Variants in CYP20A1 observed in about 807,000 individuals in gnomAD.
The protein encoded by CYP20A1 is cytochrome P450 family 20 subfamily A member 1.
In CYP20A1, 61 loss-of-function variants were observed where a neutral mutation model predicts 61.4. The ratio of observed to expected loss-of-function variants is 0.99; its 90% CI spans 0.81 to 1.23. The LOEUF (loss-of-function observed/expected upper bound fraction) is 1.23. Ranked by LOEUF, CYP20A1 falls within the 50% of genes most tolerant of loss-of-function variation. The pLI is 0.00. For synonymous variants in CYP20A1, 193 were observed against 188.2 expected (o/e 1.03, Z -0.21); for missense variants, 530 against 542.4 (o/e 0.98, Z 0.23).
chr2:203,258,003 G>GTGCAGTGGCACAATCATAGCTCACT, intron 4 of CYP20A1, among the ~76,000 whole-genome samples: 1 of 151,450 alleles, frequency 6.6e-6, no homozygotes, highest in Non-Finnish European at 1.5e-5. Context: ...CTGGGCTGAA[G>GTGCAGTGGCACAATCATAGCTCACT]GGATCCTCCT....
intron 1 of CYP20A1, among the ~76,000 whole-genome samples, chr2:203,242,978 A>G (rs2066307478): frequency 6.6e-6 from 1 of 152,156 alleles, no homozygotes; most frequent in Non-Finnish European, 1.5e-5. Flanking sequence ...CAAACAAAAC[A>G]CAGGCAGAAA....
At position 203,302,542 on chromosome 2, in the gene CYP20A1, C is replaced by T. The variant is rs541992496; in HGVS notation, c.*5634C>T. 6.6e-6 allele frequency among the ~76,000 whole-genome samples: 1 copy of T among 151,988 alleles called. No homozygotes were observed. The highest frequency in any genetic ancestry group is 1.5e-5 in the Non-Finnish European group (1 of 67,996). The stretch of plus-strand genomic sequence containing the variant: ...GAGCAAGACCCTGTCTCAAAAGATT[C>T]TAATATAGATACTCTTTTTATGCAT... On this transcript the variant is annotated 3_prime_UTR_variant, in exon 13 of 13. Coordinates refer to ENST00000356079, the MANE Select transcript of CYP20A1 (RefSeq NM_177538.3).
Position 203,285,642 on chromosome 2 carries a change from C to T in CYP20A1, c.881C>T (p.Thr294Ile), listed in dbSNP as rs374424387. 3 of 1,601,276 alleles carry T rather than the reference C, an allele frequency of 1.9e-6. No homozygotes were observed. The highest frequency in any genetic ancestry group is 2.5e-6 in the Non-Finnish European group (3 of 1,177,002). Reference protein sequence around the residue: ...LCTWAICFLTTSEEVQKKLYE... With the variant: ...LCTWAICFLTISEEVQKKLYE... The stretch of plus-strand genomic sequence containing the variant: ...ACCTGGGCAATCTGTTTTTTAACCA[C>T]CTCTGAAGAAGTTCAAAAAAAATTA... The change falls in exon 9 of 13, where the codon ACC (threonine) becomes ATC (isoleucine). Residue 294 changes from threonine (T) to isoleucine (I), a missense_variant. Physicochemically the swap from Thr to Ile is moderately conservative, Grantham distance 89. Transcript: ENST00000356079.
chr2:203,254,154 G>A (rs2066806860), intron 4 of CYP20A1, among the ~76,000 whole-genome samples: 2 of 151,628 alleles, frequency 1.3e-5, no homozygotes, highest in South Asian at 4.2e-4. Flanking sequence ...CACCATCTTG[G>A]CCAGGCTGGT....
chr2:203,275,115 C>A (rs1470509689), intron 6 of CYP20A1, among the ~76,000 whole-genome samples: 1 of 152,180 alleles, frequency 6.6e-6, no homozygotes, highest in Non-Finnish European at 1.5e-5. Flanking sequence ...GAAGATCAGA[C>A]CTTATCCTAG....
chr2:203,239,046 C>G lies in CYP20A1; in HGVS notation c.-17C>G, dbSNP rs190841502. On this transcript the variant is annotated 5_prime_UTR_variant, in exon 1 of 13. Transcript: ENST00000356079. The stretch of plus-strand genomic sequence containing the variant: ...GGAGCGGCCGATCCGAGACGTGGCT[C>G]CCTGGGCGGCAGAACCATGTTGGAC... 17 of 1,612,802 alleles carry G rather than the reference C, an allele frequency of 1.1e-5. No homozygotes were observed. The highest frequency in any genetic ancestry group is 1.4e-5 in the Non-Finnish European group (16 of 1,179,120).
At chr2:203,241,866 A>G (rs1249480372) in intron 1 of CYP20A1, among the ~76,000 whole-genome samples, 3 of 151,892 alleles carry the variant, frequency 2.0e-5, no homozygotes, top group African/African-American at 4.8e-5. Context: ...TTTTGATACA[A>G]AGTCTCGCTC....
At chr2:203,245,291 G>C (rs897635144) in intron 1 of CYP20A1, among the ~76,000 whole-genome samples, 14 of 151,762 alleles carry the variant, frequency 9.2e-5, no homozygotes, top group Non-Finnish European at 2.9e-5. Context: ...CTCCCAAAGT[G>C]CTGGGATTAC....
rs201027151 is a variant in CYP20A1 at position 203,289,758 on chromosome 2, A to C, written c.972-7A>C. ...AAACATCTTCAAAAAAAATTTTTTT[A>C]AAACAGATATTGTCAGCATGTGCTT... is the stretch of plus-strand genomic sequence containing the variant. On this transcript the variant is annotated splice_polypyrimidine_tract_variant and splice_region_variant and intron_variant, in intron 9 of 12. Transcript: ENST00000356079. The C allele has an allele frequency of 6.5e-7, 1 of 1,527,638 alleles. No homozygotes were observed. Among genetic ancestry groups the C allele is most frequent in the Non-Finnish European group, 8.8e-7 (1 of 1,135,564 alleles). The allele number at this position is 1,527,638 out of a possible 1,614,324, so 94.6% of individuals were successfully genotyped here. A position where few individuals can be genotyped will look rare whatever the true frequency, so the allele number is the denominator to read the frequency against.
At chr2:203,266,730 A>T (rs763053344) in intron 5 of CYP20A1, 49 bp downstream of exon 5, 1 of 1,503,758 alleles carries the variant, frequency 6.7e-7, no homozygotes, top group South Asian at 1.1e-5. Context: ...TGGGCACGGC[A>T]GCTCACACCT....
chr2:203,296,506 T>A lies in CYP20A1; in HGVS notation c.1181T>A (p.Val394Glu). The change falls in exon 12 of 13, where the codon GTA (valine) becomes GAA (glutamate). Residue 394 changes from valine (V) to glutamate (E), a missense_variant. Physicochemically the swap from Val to Glu is moderately radical, Grantham distance 121. Transcript: ENST00000356079. ...FDPDRFDDELVMKTFSSLGFS... is the reference protein window; with the variant it reads ...FDPDRFDDELEMKTFSSLGFS... ...CCAGATCGGTTTGATGATGAATTAGTAATGAAAACTTTTTCCTCACTTGGA... is the reference window on the plus strand; with the variant it reads ...CCAGATCGGTTTGATGATGAATTAGAAATGAAAACTTTTTCCTCACTTGGA... 6.2e-7 allele frequency: 1 copy of A among 1,612,664 alleles called. No individual in the cohort carries two copies. Among genetic ancestry groups the A allele is most frequent in the Non-Finnish European group, 8.5e-7 (1 of 1,179,254 alleles).
In CYP20A1 at chr2:203,267,332, A is replaced by G. The variant is rs781699284; in HGVS notation, c.600+651A>G. 1.1e-3 allele frequency among the ~76,000 whole-genome samples: 162 copies of G among 150,442 alleles called. 2 individuals carry two copies. Among genetic ancestry groups the G allele is most frequent in the Non-Finnish European group, 6.8e-4 (46 of 67,642 alleles). ...CAGATCACTTGAGATGAGGAGTTTGAGACCAGCCTGGCCAATGTGGCAAAA... is the reference window on the plus strand; with the variant it reads ...CAGATCACTTGAGATGAGGAGTTTGGGACCAGCCTGGCCAATGTGGCAAAA... On this transcript the variant is annotated intron_variant, in intron 5 of 12. Coordinates refer to ENST00000356079, the MANE Select transcript of CYP20A1 (RefSeq NM_177538.3).
intron 4 of CYP20A1, among the ~76,000 whole-genome samples, chr2:203,259,375 C>T (rs2067040233): frequency 6.6e-6 from 1 of 152,132 alleles, no homozygotes; most frequent in African/African-American, 2.4e-5. Context: ...GTGATTGGAT[C>T]ATGGGAGTGG....
intron 1 of CYP20A1, among the ~76,000 whole-genome samples, chr2:203,239,407 C>T (rs1416385026): frequency 6.6e-6 from 1 of 152,240 alleles, no homozygotes; most frequent in East Asian, 1.9e-4. Context: ...CCCCCGCAGG[C>T]CGGTCTCACC....
chr2:203,296,887 C>T lies in CYP20A1; in HGVS notation c.1368C>T (p.Ile456=). The T allele has an allele frequency of 6.3e-7, 1 of 1,593,994 alleles. No individual in the cohort carries two copies. Among genetic ancestry groups the T allele is most frequent in the Non-Finnish European group, 8.5e-7 (1 of 1,170,732 alleles). ...LVTSSREEAW[I]TVSKRY ...CATCATCAAGGGAAGAAGCTTGGAT[C>T]ACTGTCTCAAAGAGATATTAAAATT... The change falls in exon 13 of 13, where the codon ATC becomes ATT. Residue 456 remains isoleucine, a synonymous_variant. Transcript: ENST00000356079.
intron 11 of CYP20A1, among the ~76,000 whole-genome samples, chr2:203,295,732 C>T (rs956664140): frequency 6.6e-5 from 10 of 151,596 alleles, no homozygotes; most frequent in African/African-American, 1.9e-4. Context: ...TGGATCACGA[C>T]GAGGTCAAGA....
intron 8 of CYP20A1, among the ~76,000 whole-genome samples, chr2:203,280,953 T>C (rs2068019288): frequency 6.6e-6 from 1 of 152,222 alleles, no homozygotes; most frequent in Non-Finnish European, 1.5e-5. Flanking sequence ...TTCCTGCTGC[T>C]GCTTTCCACT....
chr2:203,256,195 G>T (rs190146873), intron 4 of CYP20A1, among the ~76,000 whole-genome samples: 2 of 151,900 alleles, frequency 1.3e-5, no homozygotes, highest in South Asian at 4.2e-4. Flanking sequence ...TCTTGAACTC[G>T]TGGCCTCAAG....
intron 4 of CYP20A1, among the ~76,000 whole-genome samples, chr2:203,254,986 G>A (rs556006766): frequency 2.7e-5 from 4 of 150,842 alleles, no homozygotes; most frequent in Admixed American, 1.3e-4. Flanking sequence ...GTGAGACTCC[G>A]TCTCCAAAAA....
Sources: allele counts gnomAD v4.1 joint callset (sites outside exome capture counted in the v4.1 genomes callset), GRCh38; gene constraint gnomAD v4.1.1; transcripts MANE v1.5; gene names NCBI Gene and HGNC (gene_info 2026-07-23, HGNC 2026-07-21).